The following TRIL variants were observed in gnomAD, a reference collection of about 807,000 sequenced individuals.
TRIL encodes TLR4 interactor with leucine rich repeats.
Under a neutral mutation model 43.0 loss-of-function variants are expected in TRIL, and 23 were observed. The observed-to-expected ratio is 0.54, with a 90% CI of 0.39 to 0.76. The LOEUF is 0.76. Among genes scored for constraint, TRIL ranks in the 30% least tolerant of loss-of-function variants. TRIL has a pLI of 0.00. For synonymous variants in TRIL, 602 were observed against 556.8 expected, an observed-to-expected ratio of 1.08 and a Z score of -1.14; for missense variants, 1,114 against 1,139.3, an observed-to-expected ratio of 0.98 and a Z score of 0.32.
At position 28,957,549 on chromosome 7, in the gene TRIL, G is replaced by A. The variant is rs1783426504; in HGVS notation, c.498C>T (p.Ala166=). Reference sequence around the variant, plus strand: ...AGACCGCGTCCGGCAGCGCCCCCAGGGCGTTCCCGTCCAGCCGCAGCTTGA... The same window carrying A: ...AGACCGCGTCCGGCAGCGCCCCCAGAGCGTTCCCGTCCAGCCGCAGCTTGA... ...SLVKLRLDGN[A]LGALPDAVFA... Residue 166 remains alanine (A), a synonymous_variant, in exon 1 of 1, where the codon GCC becomes GCT. Coordinates refer to ENST00000539664, the MANE Select transcript of TRIL (RefSeq NM_014817.4). 6.2e-7 allele frequency: 1 copy of A among 1,612,670 alleles called. No individual in the cohort carries two copies. The highest frequency in any genetic ancestry group is 8.5e-7 in the Non-Finnish European group (1 of 1,179,746).
chr7:28,956,219 G>A lies in TRIL; in HGVS notation c.1828C>T (p.Arg610Cys), dbSNP rs1783399916. ...GCGCCGCCCAGCGGCCGGGGACTGC[G>A]GTGCTCGCGCACGGCCCAGCGCACC... is the stretch of plus-strand genomic sequence containing the variant. ...ASVRWAVREH[R>C]SPRPLGGARF... Residue 610 changes from arginine (R) to cysteine (C), a missense_variant, in exon 1 of 1, where the codon CGC becomes TGC. Coordinates refer to ENST00000539664, the MANE Select transcript of TRIL (RefSeq NM_014817.4). 1.3e-6 allele frequency: 2 copies of A among 1,557,488 alleles called. No individual in the cohort carries two copies. Among genetic ancestry groups the A allele is most frequent in the African/African-American group, 1.4e-5 (1 of 73,624 alleles).
Position 28,955,594 on chromosome 7 carries a change from C to T in TRIL, c.*17G>A. ...GGCTCCTTAGGGCCAATGAGATGGTCTCTATATGCCCTGGACCTAGTCGGC... is the reference window on the plus strand; with the variant it reads ...GGCTCCTTAGGGCCAATGAGATGGTTTCTATATGCCCTGGACCTAGTCGGC... On this transcript the variant is annotated 3_prime_UTR_variant, in exon 1 of 1. Transcript: ENST00000539664. The T allele has an allele frequency of 2.0e-6, 3 of 1,500,962 alleles. No individual in the cohort carries two copies. The highest frequency in any genetic ancestry group is 2.7e-6 in the Non-Finnish European group (3 of 1,124,474). The allele number at this position is 1,500,962 out of a possible 1,614,324, so 93.0% of individuals were successfully genotyped here.
Position 28,956,668 on chromosome 7 carries a change from C to A in TRIL, c.1379G>T (p.Gly460Val). 6.3e-7 allele frequency: 1 copy of A among 1,579,584 alleles called. No homozygotes were observed. The highest frequency in any genetic ancestry group is 8.6e-7 in the Non-Finnish European group (1 of 1,166,992). Residue 460 changes from glycine (G) to valine (V), a missense_variant, in exon 1 of 1, where the codon GGG becomes GTG. Gly to Val is a moderately radical substitution (Grantham distance 109, BLOSUM62 -3). Coordinates refer to ENST00000539664, the MANE Select transcript of TRIL (RefSeq NM_014817.4). ...LPPQPQLQQQ[G>V]RFLAGVAWDG... ...CCAGGCCACCCCAGCTAGAAATCGC[C>A]CCTGCTGCTGGAGCTGCGGCTGCGG...
rs867535594 is a variant in TRIL, at chr7:28,956,119, C to T, written c.1928G>A (p.Ser643Asn). Residue 643 changes from serine (S) to asparagine (N), a missense_variant, in exon 1 of 1, where the codon AGC becomes AAC. Transcript: ENST00000539664. ...FHRFVYLPES[S>N]DSATLRELRG... ...CAGCTCGCGCAGCGTGGCCGAGTCG[C>T]TGCTCTCAGGCAGGTAGACGAAGCG... 4.5e-6 allele frequency: 7 copies of T among 1,561,910 alleles called. No individual in the cohort carries two copies. In the African/African-American group the frequency reaches 9.5e-5, roughly 21 times the overall value.
rs763233155 is a variant in TRIL, at chr7:28,955,653, G to T, written c.2394C>A (p.Ser798Arg). ...MDSAGGGAGGSLRREDRLLQR... is the reference protein window; with the variant it reads ...MDSAGGGAGGRLRREDRLLQR... The stretch of plus-strand genomic sequence containing the variant: ...GCAGGAGACGGTCCTCCCGTCTCAG[G>T]CTGCCGCCCGCGCCGCCGCCCGCAC... The change falls in exon 1 of 1, where the codon AGC (serine) becomes AGA (arginine). Residue 798 changes from serine to arginine, a missense_variant. Coordinates refer to ENST00000539664, the MANE Select transcript of TRIL (RefSeq NM_014817.4). 4 of 1,546,848 alleles carry T rather than the reference G, an allele frequency of 2.6e-6. No homozygotes were observed. In the South Asian group the frequency reaches 4.8e-5, roughly 18 times the overall value.
Position 28,958,192 on chromosome 7 carries a change from G to T in TRIL, c.-146C>A. The T allele has an allele frequency of 1.6e-6, 2 of 1,228,496 alleles. No homozygotes were observed. The highest frequency in any genetic ancestry group is 1.8e-5 in the South Asian group (1 of 56,284). 76.1% of individuals were successfully genotyped at this position (1,228,496 alleles called of 1,614,324 possible). On this transcript the variant is annotated 5_prime_UTR_variant, in exon 1 of 1. Coordinates refer to ENST00000539664, the MANE Select transcript of TRIL (RefSeq NM_014817.4). ...CCGTCCAGCCCCTCCTCCGTCCTTT[G>T]TCCGGAGGCCGGCCCGGGTCTCTGC...
In TRIL at chr7:28,956,421, G is replaced by A; in HGVS notation, c.1626C>T (p.Pro542=). The A allele has an allele frequency of 1.3e-6, 2 of 1,538,448 alleles. No homozygotes were observed. Among genetic ancestry groups the A allele is most frequent in the Non-Finnish European group, 1.7e-6 (2 of 1,148,682 alleles). ...TCGCGCGCTGCCAGGGGTCGCCGGC[G>A]GGCGATGGCGCAGAGCCAGGAGAGG... ...PTASPGSAPS[P]AGDPWQRATK... is the part of the protein sequence containing the mutation. Residue 542 remains proline, a synonymous_variant, in exon 1 of 1, where the codon CCC becomes CCT. Coordinates refer to ENST00000539664, the MANE Select transcript of TRIL (RefSeq NM_014817.4).
rs1440961115 is a variant in TRIL at position 28,957,723 on chromosome 7, C to T, written c.324G>A (p.Arg108=). The T allele has an allele frequency of 6.2e-7, 1 of 1,612,886 alleles. No homozygotes were observed. Among genetic ancestry groups the T allele is most frequent in the Non-Finnish European group, 8.5e-7 (1 of 1,179,416 alleles). The change falls in exon 1 of 1, where the codon CGG becomes CGA. Residue 108 remains arginine (R), a synonymous_variant. Transcript: ENST00000539664. ...LHPKTFEKLS[R]LEELYLGNNL... Reference sequence around the variant, plus strand: ...TGTTCCCCAGGTACAGCTCTTCCAGCCGCGAGAGCTTCTCGAAGGTCTTGG... The same window carrying T: ...TGTTCCCCAGGTACAGCTCTTCCAGTCGCGAGAGCTTCTCGAAGGTCTTGG...
At position 28,958,093 on chromosome 7, in the gene TRIL, C is replaced by T; in HGVS notation, c.-47G>A. 6.8e-7 allele frequency: 1 copy of T among 1,464,428 alleles called. No homozygotes were observed. The highest frequency in any genetic ancestry group is 9.0e-7 in the Non-Finnish European group (1 of 1,112,864). 90.7% of individuals were successfully genotyped at this position (1,464,428 alleles called of 1,614,324 possible). ...CGGCCGGATCGTCCTCTTGGCCCGC[C>T]GGCTCTGTGTCTCCTCTGCATTCCC... On this transcript the variant is annotated 5_prime_UTR_variant, in exon 1 of 1. Transcript: ENST00000539664.
chr7:28,957,903 T>C lies in TRIL; in HGVS notation c.144A>G (p.Val48=). Residue 48 remains valine (V), a synonymous_variant, in exon 1 of 1, where the codon GTA becomes GTG. Coordinates refer to ENST00000539664, the MANE Select transcript of TRIL (RefSeq NM_014817.4). ...HLLCTNRGLR[V]VPKTSSLPSP... ...TCGGCAGCGAGCTGGTCTTGGGCAC[T>C]ACGCGGAGCCCCCTGTTGGTGCACA... is the stretch of plus-strand genomic sequence containing the variant. 6.2e-7 allele frequency: 1 copy of C among 1,612,806 alleles called. No homozygotes were observed. The highest frequency in any genetic ancestry group is 8.5e-7 in the Non-Finnish European group (1 of 1,179,826).
rs928892673 is a variant in TRIL at position 28,955,645 on chromosome 7, C to A, written c.2402G>T (p.Arg801Leu). Reference protein sequence around the residue: ...AGGGAGGSLRREDRLLQRFAD With the variant: ...AGGGAGGSLRLEDRLLQRFAD ...AAATCGCTGCAGGAGACGGTCCTCC[C>A]GTCTCAGGCTGCCGCCCGCGCCGCC... The change falls in exon 1 of 1, where the codon CGG (arginine) becomes CTG (leucine). Residue 801 changes from arginine to leucine, a missense_variant. By Grantham distance (102) the Arg-to-Leu change is moderately radical. Transcript: ENST00000539664. The A allele has an allele frequency of 6.5e-7, 1 of 1,545,928 alleles. No homozygotes were observed. Among genetic ancestry groups the A allele is most frequent in the Admixed American group, 2.0e-5 (1 of 50,930 alleles).
Position 28,954,138 on chromosome 7 carries a change from A to G in TRIL, c.*1473T>C, listed in dbSNP as rs1194298196. 1 of 152,592 alleles carries G rather than the reference A, an allele frequency of 6.6e-6. No homozygotes were observed. Among genetic ancestry groups the G allele is most frequent in the Non-Finnish European group, 1.5e-5 (1 of 68,044 alleles). 9.5% of individuals were successfully genotyped at this position (152,592 alleles called of 1,614,324 possible). A position where few individuals can be genotyped will look rare whatever the true frequency, so the allele number is the denominator to read the frequency against. The stretch of plus-strand genomic sequence containing the variant: ...CTCTTAGTGACTGCATTTTTAGACC[A>G]CACATAAAATTATTAATGTAAACCA... On this transcript the variant is annotated 3_prime_UTR_variant, in exon 1 of 1. Coordinates refer to ENST00000539664, the MANE Select transcript of TRIL (RefSeq NM_014817.4).
In TRIL at chr7:28,955,681, T is replaced by C. The variant is rs1251087495; in HGVS notation, c.2366A>G (p.Asp789Gly). 1.3e-6 allele frequency: 2 copies of C among 1,549,328 alleles called. No individual in the cohort carries two copies. The highest frequency in any genetic ancestry group is 1.7e-6 in the Non-Finnish European group (2 of 1,146,734). Residue 789 changes from aspartate to glycine, a missense_variant, in exon 1 of 1, where the codon GAC becomes GGC. Transcript: ENST00000539664. ...GCCGCCCGCGCCGCCGCCCGCACTG[T>C]CCATGAAGCGGTCGCAGGGGAATTC... ...LIEFPCDRFMDSAGGGAGGSL... is the reference protein window; with the variant it reads ...LIEFPCDRFMGSAGGGAGGSL...
In TRIL at chr7:28,956,159, G is replaced by A; in HGVS notation, c.1888C>T (p.Gln630Ter). The A allele has an allele frequency of 6.4e-7, 1 of 1,573,928 alleles. No individual in the cohort carries two copies. Reference protein sequence around the residue: ...FRLLFDRFGQQPKFHRFVYLP... With the variant: ...FRLLFDRFGQ ...TAGACGAAGCGGTGGAACTTGGGCT[G>A]CTGGCCAAAGCGGTCAAAGAGCAGG... Residue 630 changes from glutamine (Q) to a stop codon, truncating the protein, a stop_gained, in exon 1 of 1, where the codon CAG (glutamine) becomes TAG (stop). Coordinates refer to ENST00000539664, the MANE Select transcript of TRIL (RefSeq NM_014817.4). LOFTEE classifies it high-confidence loss of function.
At position 28,956,952 on chromosome 7, in the gene TRIL, G is replaced by T. The variant is rs1215863504; in HGVS notation, c.1095C>A (p.Cys365Ter). ...DLDGNGWTCD[C>*]RLRGLKRWMG... is the part of the protein sequence containing the mutation. The stretch of plus-strand genomic sequence containing the variant: ...TCCAGCGCTTCAGGCCTCGCAGCCG[G>T]CAGTCGCAGGTCCAGCCGTTGCCGT... The change falls in exon 1 of 1, where the codon TGC (cysteine) becomes TGA (stop). Residue 365 changes from cysteine (C) to a stop codon, truncating the protein, a stop_gained. Coordinates refer to ENST00000539664, the MANE Select transcript of TRIL (RefSeq NM_014817.4). LOFTEE classifies it high-confidence loss of function. The T allele has an allele frequency of 6.3e-7, 1 of 1,592,558 alleles. No homozygotes were observed. The highest frequency in any genetic ancestry group is 8.5e-7 in the Non-Finnish European group (1 of 1,171,282).
rs1314163333 is a variant in TRIL, at chr7:28,955,676, C to T, written c.2371G>A (p.Ala791Thr). The T allele has an allele frequency of 6.5e-7, 1 of 1,549,220 alleles. No individual in the cohort carries two copies. The highest frequency in any genetic ancestry group is 1.2e-5 in the South Asian group (1 of 84,010). Residue 791 changes from alanine to threonine, a missense_variant, in exon 1 of 1, where the codon GCG becomes ACG. Physicochemically the swap from Ala to Thr is moderately conservative, Grantham distance 58 (BLOSUM62 0). Transcript: ENST00000539664. ...AGGCTGCCGCCCGCGCCGCCGCCCG[C>T]ACTGTCCATGAAGCGGTCGCAGGGG... ...EFPCDRFMDSAGGGAGGSLRR... is the reference protein window; with the variant it reads ...EFPCDRFMDSTGGGAGGSLRR...
chr7:28,957,969 C>T lies in TRIL; in HGVS notation c.78G>A (p.Val26=). Residue 26 remains valine, a synonymous_variant, in exon 1 of 1, where the codon GTG becomes GTA. Coordinates refer to ENST00000539664, the MANE Select transcript of TRIL (RefSeq NM_014817.4). The part of the protein sequence containing the change: ...CLALPPLAEP[V]CPERCDCQHP... ...GCTGGCAGTCGCAGCGCTCCGGGCA[C>T]ACGGGCTCGGCCAGCGGCGGGAGCG... The T allele has an allele frequency of 6.2e-7, 1 of 1,604,774 alleles. No homozygotes were observed. The highest frequency in any genetic ancestry group is 8.5e-7 in the Non-Finnish European group (1 of 1,179,402).
rs1783387537 is a variant in TRIL, at chr7:28,955,775, C to T, written c.2272G>A (p.Asp758Asn). The change falls in exon 1 of 1, where the codon GAC (aspartate) becomes AAC (asparagine). Residue 758 changes from aspartate (D) to asparagine (N), a missense_variant. Coordinates refer to ENST00000539664, the MANE Select transcript of TRIL (RefSeq NM_014817.4). Reference sequence around the variant, plus strand: ...CGGTGCGACTGGAATCCCGAGAAGTCGGCGGACACGCCGGTGCCCATGGAG... The same window carrying T: ...CGGTGCGACTGGAATCCCGAGAAGTTGGCGGACACGCCGGTGCCCATGGAG... ...LRSMGTGVSA[D>N]FSGFQSHRPR... 1 of 1,550,244 alleles carries T rather than the reference C, an allele frequency of 6.5e-7. No individual in the cohort carries two copies. Among genetic ancestry groups the T allele is most frequent in the East Asian group, 2.4e-5 (1 of 40,902 alleles).
chr7:28,955,779 G>T lies in TRIL; in HGVS notation c.2268C>A (p.Ser756=). The change falls in exon 1 of 1, where the codon TCC becomes TCA. Residue 756 remains serine (S), a synonymous_variant. Coordinates refer to ENST00000539664, the MANE Select transcript of TRIL (RefSeq NM_014817.4). ...GCGACTGGAATCCCGAGAAGTCGGC[G>T]GACACGCCGGTGCCCATGGAGCGCA... The part of the protein sequence containing the change: ...RPLRSMGTGV[S]ADFSGFQSHR... 4 of 1,550,216 alleles carry T rather than the reference G, an allele frequency of 2.6e-6. No homozygotes were observed. The highest frequency in any genetic ancestry group is 1.4e-5 in the African/African-American group (1 of 73,176).
Sources: gnomAD v4.1 joint callset for allele counts on GRCh38, gnomAD v4.1.1 for gene constraint, MANE v1.5 for transcripts, NCBI Gene and HGNC (gene_info 2026-07-23, HGNC 2026-07-21) for gene names.